GPR39: variants seen among roughly 807,000 people sequenced by gnomAD.
The protein encoded by GPR39 is zinc sensing receptor.
GPR39 carries 23 observed loss-of-function variants against 18.4 expected under a neutral mutation model. The ratio of observed to expected loss-of-function variants is 1.25; its 90% confidence interval spans 0.90 to 1.77. The LOEUF is 1.77. Among genes scored for constraint, GPR39 ranks in the 40% most tolerant of loss-of-function variants. The probability of loss-of-function intolerance (pLI) is 0.00; values close to 1 mark genes in which losing one functional copy is unlikely to be tolerated. For synonymous variants in GPR39, 280 were observed against 257.9 expected, an observed-to-expected ratio of 1.09 and a Z score of -0.82; for missense variants, 647 against 602.4, an observed-to-expected ratio of 1.07 and a Z score of -0.78.
chr2:132,485,606 A>T (rs996625024), intron 1 of GPR39, among the ~76,000 whole-genome samples: 3 of 152,246 alleles, frequency 2.0e-5, no homozygotes, highest in Admixed American at 1.3e-4. Flanking sequence ...CCTCAGCAGG[A>T]GTAGATTTCA....
At chr2:132,534,151 AAAC>A (rs1470083159) in intron 1 of GPR39, among the ~76,000 whole-genome samples, 4 of 152,190 alleles carry the variant, frequency 2.6e-5, no homozygotes, top group East Asian at 3.8e-4. Context: ...TACAAGAAAA[AAAC>A]AACCCCATCA....
At chr2:132,620,541 T>C (rs896218424) in intron 1 of GPR39, among the ~76,000 whole-genome samples, 1 of 152,128 alleles carries the variant, frequency 6.6e-6, no homozygotes, top group East Asian at 1.9e-4. Context: ...ACGCCCCTCC[T>C]TCCCCCCTGC....
At chr2:132,515,367 A>G (rs1679314009) in intron 1 of GPR39, among the ~76,000 whole-genome samples, 1 of 152,166 alleles carries the variant, frequency 6.6e-6, no homozygotes, top group Non-Finnish European at 1.5e-5. Context: ...CTTTTTCACC[A>G]CTGTATCCCC....
At chr2:132,580,215 A>G (rs1001239116) in intron 1 of GPR39, among the ~76,000 whole-genome samples, 3 of 152,248 alleles carry the variant, frequency 2.0e-5, no homozygotes, top group African/African-American at 7.2e-5. Context: ...TGTTTTAAGA[A>G]TCAAATGGAT....
chr2:132,637,584 T>C (rs1006999566), intron 1 of GPR39, among the ~76,000 whole-genome samples: 1 of 152,206 alleles, frequency 6.6e-6, no homozygotes, highest in Admixed American at 6.5e-5. Context: ...AAGAAATTCC[T>C]CAGTAGGAAA....
At chr2:132,558,455 C>A (rs375481529) in intron 1 of GPR39, among the ~76,000 whole-genome samples, 1 of 152,090 alleles carries the variant, frequency 6.6e-6, no homozygotes, top group South Asian at 2.1e-4. Context: ...TACTTTTTTG[C>A]TGTGAATTTC....
chr2:132,491,079 A>G (rs1359041027), intron 1 of GPR39, among the ~76,000 whole-genome samples: 1 of 152,048 alleles, frequency 6.6e-6, no homozygotes, highest in East Asian at 1.9e-4. Flanking sequence ...TTTTTTTCTC[A>G]CTGAACTGAG....
Position 132,622,787 on chromosome 2 carries a change from T to A in GPR39, c.857-22314T>A, listed in dbSNP as rs1168892053. Among the ~76,000 whole-genome samples the A allele has an allele frequency of 2.0e-5, 3 of 152,012 alleles. No homozygotes were observed. In the East Asian group the frequency reaches 5.8e-4, roughly 29 times the overall value. The stretch of plus-strand genomic sequence containing the variant: ...CATGTGATGCCATACCAGAAGAAGG[T>A]TGAAAAGTGAGCCACATTGTAGTAG... On this transcript the variant is annotated intron_variant, in intron 1 of 1. Coordinates refer to ENST00000329321, the MANE Select transcript of GPR39 (RefSeq NM_001508.3).
At chr2:132,419,359 A>G (rs755881592) in intron 1 of GPR39, among the ~76,000 whole-genome samples, 1 of 152,252 alleles carries the variant, frequency 6.6e-6, no homozygotes, top group Non-Finnish European at 1.5e-5. Flanking sequence ...AGTGCAGCTC[A>G]AAGAGTCCCA....
At chr2:132,435,230 T>A (rs972496419) in intron 1 of GPR39, among the ~76,000 whole-genome samples, 1 of 152,094 alleles carries the variant, frequency 6.6e-6, no homozygotes, top group African/African-American at 2.4e-5. Flanking sequence ...CTGCCTCTCC[T>A]GCTCCCCGCA....
At chr2:132,502,433 A>G (rs1679061897) in intron 1 of GPR39, among the ~76,000 whole-genome samples, 1 of 152,168 alleles carries the variant, frequency 6.6e-6, no homozygotes, top group Non-Finnish European at 1.5e-5. Flanking sequence ...GGGCTGAGAA[A>G]TCTGCTGTTA....
At chr2:132,527,969 A>G (rs1679543976) in intron 1 of GPR39, among the ~76,000 whole-genome samples, 1 of 151,880 alleles carries the variant, frequency 6.6e-6, no homozygotes, top group Non-Finnish European at 1.5e-5. Flanking sequence ...TTTTGTTACC[A>G]TTGCTTTTGG....
chr2:132,595,920 A>G (rs1464910736), intron 1 of GPR39, among the ~76,000 whole-genome samples: 1 of 152,150 alleles, frequency 6.6e-6, no homozygotes, highest in Admixed American at 6.5e-5. Flanking sequence ...TTTTCAGAGT[A>G]GAAACAAAAA....
intron 1 of GPR39, among the ~76,000 whole-genome samples, chr2:132,551,384 A>T (rs1680041085): frequency 6.6e-6 from 1 of 152,222 alleles, no homozygotes; most frequent in Admixed American, 6.5e-5. Flanking sequence ...GATGTCCCTT[A>T]TAGGCTTAGA....
chr2:132,485,071 G>A (rs1333368471), intron 1 of GPR39, among the ~76,000 whole-genome samples: 1 of 152,188 alleles, frequency 6.6e-6, no homozygotes, highest in African/African-American at 2.4e-5. Flanking sequence ...GGCATACCTT[G>A]GAGACATCGC....
At chr2:132,454,911 A>G (rs914606870) in intron 1 of GPR39, among the ~76,000 whole-genome samples, 2 of 152,146 alleles carry the variant, frequency 1.3e-5, no homozygotes, top group East Asian at 1.9e-4. Flanking sequence ...TTTTGCGTTG[A>G]TGTTCATCAG....
chr2:132,465,613 G>A (rs1680914145), intron 1 of GPR39, among the ~76,000 whole-genome samples: 1 of 152,206 alleles, frequency 6.6e-6, no homozygotes, highest in South Asian at 2.1e-4. Flanking sequence ...TCCCTTGGCA[G>A]GTTTACAGTG....
chr2:132,419,874 T>C lies in GPR39; in HGVS notation c.856+1976T>C, dbSNP rs562643721. Among the ~76,000 whole-genome samples, 4 of 152,324 alleles carry C rather than the reference T, an allele frequency of 2.6e-5. No individual in the cohort carries two copies. The South Asian group carries it at 6.2e-4, about 24-fold the overall frequency. ...CTGCCTTTGACCAAAGGGAAAATCA[T>C]TGATTTATCGTTACTCTATTTGACC... is the stretch of plus-strand genomic sequence containing the variant. On this transcript the variant is annotated intron_variant, in intron 1 of 1. Transcript: ENST00000329321.
At chr2:132,492,146 T>C (rs188595928) in intron 1 of GPR39, among the ~76,000 whole-genome samples, 2 of 147,926 alleles carry the variant, frequency 1.4e-5, no homozygotes, top group African/African-American at 2.5e-5. Context: ...ACCATATATA[T>C]ACACCACATA....
Sources: allele counts gnomAD v4.1 joint callset (sites outside exome capture counted in the v4.1 genomes callset), GRCh38; gene constraint gnomAD v4.1.1; transcripts MANE v1.5; gene names NCBI Gene and HGNC (gene_info 2026-07-23, HGNC 2026-07-21).